The following CHST11 variants were observed in gnomAD, a reference collection of about 807,000 sequenced individuals.
The protein encoded by CHST11 is C4S-1.
In CHST11, 9 loss-of-function variants were observed where a neutral mutation model predicts 30.4. The observed-to-expected ratio is 0.30, with a 90% CI of 0.18 to 0.52. The LOEUF (loss-of-function observed/expected upper bound fraction) is 0.52, where lower values mean the gene tolerates loss of function less well. Ranked by LOEUF, CHST11 falls within the 20% of genes least tolerant of loss-of-function variation. The pLI, the probability that CHST11 is intolerant of heterozygous loss-of-function variation, is 0.97. For synonymous variants in CHST11, 152 were observed against 187.8 expected (o/e 0.81, Z 1.56); for missense variants, 348 against 460.6 (o/e 0.76, Z 2.24).
At chr12:104,622,049 C>T (rs1005457945) in intron 2 of CHST11, among the ~76,000 whole-genome samples, 32 of 152,138 alleles carry the variant, frequency 2.1e-4, no homozygotes, top group Admixed American at 7.2e-4. Flanking sequence ...AGGTATAAGC[C>T]GGCAACCCCG....
chr12:104,635,564 ATGAC>A (rs1425154706), intron 2 of CHST11, among the ~76,000 whole-genome samples: 5 of 152,230 alleles, frequency 3.3e-5, no homozygotes, highest in African/African-American at 1.2e-4. Flanking sequence ...AAGACTAAAA[ATGAC>A]TGTGTTGATG....
At chr12:104,701,939 T>C (rs2039993477) in intron 2 of CHST11, among the ~76,000 whole-genome samples, 1 of 152,178 alleles carries the variant, frequency 6.6e-6, no homozygotes, top group Non-Finnish European at 1.5e-5. Context: ...TTCACCTTGG[T>C]TTGGGGTCAG....
At chr12:104,626,856 A>G (rs931226437) in intron 2 of CHST11, among the ~76,000 whole-genome samples, 4 of 151,950 alleles carry the variant, frequency 2.6e-5, no homozygotes, top group Non-Finnish European at 4.4e-5. Context: ...CTGTATTGAC[A>G]TGTCTTTGTC....
At chr12:104,653,607 A>G (rs999838972) in intron 2 of CHST11, among the ~76,000 whole-genome samples, 3 of 152,198 alleles carry the variant, frequency 2.0e-5, no homozygotes, top group African/African-American at 7.2e-5. Context: ...TAGCCACCCC[A>G]TAATACAACA....
chr12:104,547,938 G>A (rs1033056054), intron 1 of CHST11, among the ~76,000 whole-genome samples: 2 of 152,188 alleles, frequency 1.3e-5, no homozygotes, highest in Non-Finnish European at 2.9e-5. Context: ...GTGTGAAGGG[G>A]AAAAGTTGAT....
At chr12:104,721,364 A>G (rs2040174875) in intron 2 of CHST11, among the ~76,000 whole-genome samples, 1 of 152,162 alleles carries the variant, frequency 6.6e-6, no homozygotes, top group African/African-American at 2.4e-5. Flanking sequence ...TAGAGCCTTT[A>G]ATCCCACATG....
chr12:104,553,322 G>A (rs1030166989), intron 1 of CHST11: 6 of 152,202 alleles, frequency 3.9e-5, no homozygotes, highest in African/African-American at 1.4e-4. Flanking sequence ...AGTGCACTTT[G>A]AGCTGAATTT....
At chr12:104,649,828 C>T (rs541422543) in intron 2 of CHST11, among the ~76,000 whole-genome samples, 21 of 152,314 alleles carry the variant, frequency 1.4e-4, no homozygotes, top group Middle Eastern at 6.8e-3. Flanking sequence ...CAGCACTCAG[C>T]ATGGTGAGCT....
At chr12:104,468,213 C>CA (rs1278223217) in intron 1 of CHST11, among the ~76,000 whole-genome samples, 2 of 152,016 alleles carry the variant, frequency 1.3e-5, no homozygotes, top group African/African-American at 4.8e-5. Flanking sequence ...GTTCTCTCTG[C>CA]AAAGGTCGCT....
rs557428420 is a variant in CHST11, at chr12:104,670,037, C to T, written c.204+68046C>T. Among the ~76,000 whole-genome samples, 20 of 152,364 alleles carry T rather than the reference C, an allele frequency of 1.3e-4. No individual in the cohort carries two copies. The East Asian group carries it at 2.9e-3, about 22-fold the overall frequency. On this transcript the variant is annotated intron_variant, in intron 2 of 2. Transcript: ENST00000303694. The stretch of plus-strand genomic sequence containing the variant: ...AAATCTAAGTTCCCTTTTCCCCTCT[C>T]GCTTTCCTAAAGCTTCACCTAAGCC...
intron 1 of CHST11, among the ~76,000 whole-genome samples, chr12:104,587,633 A>G (rs904608579): frequency 2.0e-5 from 3 of 152,182 alleles, no homozygotes; most frequent in African/African-American, 7.2e-5. Flanking sequence ...CCTGGGCTCA[A>G]GCAATCCACC....
intron 1 of CHST11, among the ~76,000 whole-genome samples, chr12:104,481,199 C>T (rs1283282455): frequency 1.3e-5 from 2 of 152,182 alleles, no homozygotes; most frequent in Non-Finnish European, 2.9e-5. Flanking sequence ...CTTCAAGGTC[C>T]CGCCTCACTG....
intron 1 of CHST11, among the ~76,000 whole-genome samples, chr12:104,543,934 A>G (rs1033008833): frequency 1.3e-5 from 2 of 151,636 alleles, no homozygotes; most frequent in Admixed American, 1.3e-4. Flanking sequence ...TAGCCTGGGC[A>G]ACATAGCAAG....
intron 1 of CHST11, among the ~76,000 whole-genome samples, chr12:104,542,587 C>T (rs2038295744): frequency 6.6e-6 from 1 of 152,178 alleles, no homozygotes; most frequent in African/African-American, 2.4e-5. Flanking sequence ...ACACATGAAA[C>T]TGGTATCAGT....
At chr12:104,541,317 A>T (rs998464570) in intron 1 of CHST11, among the ~76,000 whole-genome samples, 2 of 152,204 alleles carry the variant, frequency 1.3e-5, no homozygotes, top group Non-Finnish European at 2.9e-5. Context: ...TGAAGTTGAC[A>T]TCTTAAATGA....
rs569431040 is a variant in CHST11 at position 104,514,274 on chromosome 12, A to G, written c.118+56745A>G. The stretch of plus-strand genomic sequence containing the variant: ...CAGCCACAGTTGGTGTGGGTGGTTC[A>G]GGGGCTGGCATTGGAGCGGTGTTTG... On this transcript the variant is annotated intron_variant, in intron 1 of 2. Coordinates refer to ENST00000303694, the MANE Select transcript of CHST11 (RefSeq NM_018413.6). 19 of 869,606 alleles carry G rather than the reference A, an allele frequency of 2.2e-5. No homozygotes were observed. In the Admixed American group the frequency reaches 3.2e-4, roughly 15 times the overall value. The allele number at this position is 869,606 out of a possible 1,614,324, so 53.9% of individuals were successfully genotyped here.
chr12:104,457,612 C>T, intron 1 of CHST11, 83 bp downstream of exon 1: 1 of 988,414 alleles, frequency 1.0e-6, no homozygotes, highest in Non-Finnish European at 1.6e-6. Flanking sequence ...TCTGCCTCTT[C>T]CAACCCTACC....
At chr12:104,530,528 G>A (rs1338122674) in intron 1 of CHST11, among the ~76,000 whole-genome samples, 1 of 152,204 alleles carries the variant, frequency 6.6e-6, no homozygotes, top group East Asian at 1.9e-4. Flanking sequence ...TGACAGTTTA[G>A]GGAGACTAGA....
At chr12:104,623,749 G>T (rs985805406) in intron 2 of CHST11, among the ~76,000 whole-genome samples, 2 of 152,030 alleles carry the variant, frequency 1.3e-5, no homozygotes, top group African/African-American at 4.8e-5. Context: ...TGCCCTTGGT[G>T]TAAAATACTG....
Sources: allele counts gnomAD v4.1 joint callset (sites outside exome capture counted in the v4.1 genomes callset), GRCh38; gene constraint gnomAD v4.1.1; transcripts MANE v1.5; gene names NCBI Gene and HGNC (gene_info 2026-07-23, HGNC 2026-07-21).